The following C1QTNF5 variants were observed in gnomAD, a reference collection of about 807,000 sequenced individuals.
C1QTNF5 encodes the protein complement C1q tumor necrosis factor-related protein 5.
In C1QTNF5, 5 loss-of-function variants were observed where a neutral mutation model predicts 10.9. That is an observed-to-expected ratio of 0.46 (90% CI 0.24 to 0.97). The LOEUF (loss-of-function observed/expected upper bound fraction) is 0.97, where lower values mean the gene tolerates loss of function less well. Among genes scored for constraint, C1QTNF5 ranks in the 50% least tolerant of loss-of-function variants. The pLI, the probability that C1QTNF5 is intolerant of heterozygous loss-of-function variation, is 0.19. For missense variants in C1QTNF5, 281 were observed against 339.4 expected, an observed-to-expected ratio of 0.83 and a Z score of 1.35; for synonymous variants, 161 against 156.5, an observed-to-expected ratio of 1.03 and a Z score of -0.22.
Position 119,339,937 on chromosome 11 carries a change from G to A in C1QTNF5, c.215-89C>T. 1 of 1,393,770 alleles carries A rather than the reference G, an allele frequency of 7.2e-7. No individual in the cohort carries two copies. The highest frequency in any genetic ancestry group is 9.3e-7 in the Non-Finnish European group (1 of 1,072,982). 86.3% of individuals were successfully genotyped at this position (1,393,770 alleles called of 1,614,324 possible). On this transcript the variant is annotated intron_variant, in intron 2 of 2. Coordinates refer to ENST00000528368, the MANE Select transcript of C1QTNF5 (RefSeq NM_001278431.2). The surrounding 1 kb of genome is among the most constrained non-coding windows in gnomAD (Gnocchi z 5.4). The stretch of plus-strand genomic sequence containing the variant: ...CTCTAAGGTCACCGTACCCCTCCCC[G>A]CCCCTGCCTGAGCTTCGGCCAGCGC...
upstream of C1QTNF5, chr11:119,345,032 G>A (rs769142474): frequency 1.3e-6 from 2 of 1,592,424 alleles, no homozygotes; most frequent in East Asian, 2.3e-5. Context: ...GGGGGTGAGG[G>A]AGGCTCCAAG....
chr11:119,344,903 G>C (rs1489935162), upstream of C1QTNF5: 1 of 1,612,590 alleles, frequency 6.2e-7, no homozygotes, highest in East Asian at 2.2e-5. Flanking sequence ...CTGGTACCAG[G>C]CATGGAAACC....
At chr11:119,345,931 G>A (rs1950561163), upstream of C1QTNF5, 2 of 1,613,720 alleles carry the variant, frequency 1.2e-6, no homozygotes, top group Non-Finnish European at 1.7e-6. Context: ...CTGCAGCTCT[G>A]GAGGCGAGAA....
upstream of C1QTNF5, chr11:119,341,889 C>T (rs372509766): frequency 2.5e-6 from 4 of 1,613,878 alleles, no homozygotes; most frequent in Non-Finnish European, 3.4e-6. Flanking sequence ...ACCACCTCCT[C>T]CTGGGTGATC....
chr11:119,340,197 C>T lies in C1QTNF5; in HGVS notation c.201G>A (p.Glu67=). Reference sequence around the variant, plus strand: ...GTGCCTTCTTACCCGGCCTCCCGCCCTCGCCTTTCTCTCCCGGAGCCCCGG... The same window carrying T: ...GTGCCTTCTTACCCGGCCTCCCGCCTTCGCCTTTCTCTCCCGGAGCCCCGG... ...GAPGAPGEKG[E]GGRPGLPGPR... is the part of the protein sequence containing the mutation. Residue 67 remains glutamate, a synonymous_variant, in exon 2 of 3, where the codon GAG becomes GAA. Transcript: ENST00000528368. 6.6e-7 allele frequency: 1 copy of T among 1,516,290 alleles called. No homozygotes were observed. Among genetic ancestry groups the T allele is most frequent in the Non-Finnish European group, 8.8e-7 (1 of 1,134,904 alleles). 93.9% of individuals were successfully genotyped at this position (1,516,290 alleles called of 1,614,324 possible).
chr11:119,345,371 G>C (rs1404890722), upstream of C1QTNF5: 1 of 1,575,770 alleles, frequency 6.3e-7, no homozygotes, highest in African/African-American at 1.3e-5. Flanking sequence ...CTGCTCTTTA[G>C]ATAGTGGTTC....
chr11:119,345,783 G>T, upstream of C1QTNF5: 1 of 1,613,704 alleles, frequency 6.2e-7, no homozygotes, highest in Non-Finnish European at 8.5e-7. Context: ...TGGACTGTGG[G>T]GAGGGGCTCA....
the C1QTNF5 span, chr11:119,346,324 A>AG: frequency 7.4e-6 from 12 of 1,613,678 alleles, no homozygotes; most frequent in Non-Finnish European, 1.0e-5. Flanking sequence ...AAACTGGGGG[A>AG]GGGCAGGGTG....
At chr11:119,346,367 A>T in the C1QTNF5 span, 1 of 1,614,014 alleles carries the variant, frequency 6.2e-7, no homozygotes, top group Non-Finnish European at 8.5e-7. Context: ...AGGATTGCAG[A>T]ACTCGGTCTG....
the C1QTNF5 span, chr11:119,346,196 T>G: frequency 6.4e-7 from 1 of 1,568,034 alleles, no homozygotes; most frequent in Non-Finnish European, 8.7e-7. Flanking sequence ...AAGCCCCTTC[T>G]GTTGGGTATT....
chr11:119,345,919 G>A (rs1389804747), upstream of C1QTNF5: 6 of 1,613,640 alleles, frequency 3.7e-6, no homozygotes, highest in Non-Finnish European at 5.1e-6. Flanking sequence ...TGGGGGTGCA[G>A]CCTGCAGCTC....
chr11:119,345,462 T>C, upstream of C1QTNF5: 1 of 1,613,808 alleles, frequency 6.2e-7, no homozygotes, highest in Non-Finnish European at 8.5e-7. Flanking sequence ...TTCCAAGCGA[T>C]CAAAAAGGCA....
upstream of C1QTNF5, chr11:119,343,691 A>G: frequency 1.7e-6 from 2 of 1,207,156 alleles, no homozygotes; most frequent in East Asian, 2.3e-5. Context: ...TGGTGAAGAG[A>G]CCCCCGGCCT....
rs916580246 is a variant in C1QTNF5, at chr11:119,340,171, G to T, written c.214+13C>A. 5 of 1,509,952 alleles carry T rather than the reference G, an allele frequency of 3.3e-6. No homozygotes were observed. Among genetic ancestry groups the T allele is most frequent in the Non-Finnish European group, 8.8e-7 (1 of 1,132,170 alleles). The allele number at this position is 1,509,952 out of a possible 1,614,324, so 93.5% of individuals were successfully genotyped here. ...GGACATCGCCACCGATAGCCGCGGC[G>T]GTGCCTTCTTACCCGGCCTCCCGCC... On this transcript the variant is annotated intron_variant, in intron 2 of 2. Coordinates refer to ENST00000528368, the MANE Select transcript of C1QTNF5 (RefSeq NM_001278431.2).
At chr11:119,345,105 C>T (rs182628963), upstream of C1QTNF5, 4,443 of 1,473,514 alleles carry the variant, frequency 3.0e-3, 21 homozygotes, top group Non-Finnish European at 3.1e-3. Flanking sequence ...AACCCCCAAA[C>T]TGGTGACCAT....
At chr11:119,342,713 T>G, upstream of C1QTNF5, 1 of 1,613,304 alleles carries the variant, frequency 6.2e-7, no homozygotes, top group Non-Finnish European at 8.5e-7. Context: ...GAGAGCTCAC[T>G]GGGCCCACAG....
At chr11:119,346,619 C>T in the C1QTNF5 span, 3 of 1,201,588 alleles carry the variant, frequency 2.5e-6, no homozygotes, top group South Asian at 1.2e-5. Context: ...GCCTCTACTA[C>T]CCGAGGGAAA....
chr11:119,344,960 C>T (rs1258959448), upstream of C1QTNF5: 1 of 1,609,658 alleles, frequency 6.2e-7, no homozygotes, highest in Non-Finnish European at 8.5e-7. Flanking sequence ...CAGGAGGTGG[C>T]TGGCATTGGT....
Position 119,339,330 on chromosome 11 carries a change from A to G in C1QTNF5, c.*1T>C, listed in dbSNP as rs142208418. ...AGCATGAGCTCACTTTGCAGTGGGC[A>G]CTAAGCAAAGACTGGGGAGCTGTGC... is the stretch of plus-strand genomic sequence containing the variant. On this transcript the variant is annotated 3_prime_UTR_variant, in exon 3 of 3. Coordinates refer to ENST00000528368, the MANE Select transcript of C1QTNF5 (RefSeq NM_001278431.2). The surrounding 1 kb of genome is among the most constrained non-coding windows in gnomAD (Gnocchi z 5.4). 489 of 1,612,386 alleles carry G rather than the reference A, an allele frequency of 3.0e-4. 1 individual carries two copies. Among genetic ancestry groups the G allele is most frequent in the Non-Finnish European group, 3.9e-4 (456 of 1,178,960 alleles).
Sources: allele counts gnomAD v4.1 joint callset, GRCh38; gene constraint gnomAD v4.1.1; non-coding constraint Gnocchi (gnomAD v3.1); transcripts MANE v1.5; gene names NCBI Gene and HGNC (gene_info 2026-07-23, HGNC 2026-07-21).